Variants in ZDHHC11B observed in about 807,000 individuals in gnomAD.
The protein encoded by ZDHHC11B is probable palmitoyltransferase ZDHHC11B.
Under a neutral mutation model 42.3 loss-of-function variants are expected in ZDHHC11B, and 17 were observed. That is an observed-to-expected ratio of 0.40 (90% confidence interval 0.27 to 0.60). ZDHHC11B has a LOEUF of 0.60. Ranked by LOEUF, ZDHHC11B falls within the 20% of genes least tolerant of loss-of-function variation. The pLI is 0.41. For synonymous variants in ZDHHC11B, 123 were observed against 193.5 expected, an observed-to-expected ratio of 0.64 and a Z score of 3.02; for missense variants, 262 against 463.2, an observed-to-expected ratio of 0.57 and a Z score of 3.99.
chr5:734,264 C>A (rs73730931), intron 10 of ZDHHC11B, among the ~76,000 whole-genome samples: 2 of 118,486 alleles, frequency 1.7e-5, no homozygotes, highest in African/African-American at 7.5e-5. Flanking sequence ...CCAGAAAAAA[C>A]AAAAAGTCAC....
At chr5:719,651 G>T (rs1042575747) in intron 12 of ZDHHC11B, among the ~76,000 whole-genome samples, 4 of 150,838 alleles carry the variant, frequency 2.7e-5, no homozygotes, top group African/African-American at 9.8e-5. Context: ...GAATGAAAGA[G>T]GATAAACAGA....
In ZDHHC11B at chr5:712,035, G is replaced by A. The variant is rs573587383; in HGVS notation, c.*255C>T. 6.7e-4 allele frequency: 82 copies of A among 123,306 alleles called. 1 individual carries two copies. Among genetic ancestry groups the A allele is most frequent in the African/African-American group, 2.5e-3 (78 of 31,336 alleles). The allele number at this position is 123,306 out of a possible 1,614,324, so 7.6% of individuals were successfully genotyped here. A position where few individuals can be genotyped will look rare whatever the true frequency, so the allele number is the denominator to read the frequency against. On this transcript the variant is annotated 3_prime_UTR_variant, in exon 14 of 14. Transcript: ENST00000508859. The stretch of plus-strand genomic sequence containing the variant: ...GCTGGCAGCCCATCTTCCTGGAGAT[G>A]TAAACCCTCCTGCAAGGCTGGCTCT...
Position 745,397 on chromosome 5 carries a change from G to A in ZDHHC11B, c.785-99C>T, listed in dbSNP as rs939775725. The A allele has an allele frequency of 4.2e-5, 44 of 1,051,126 alleles. 1 individual carries two copies. Among genetic ancestry groups the A allele is most frequent in the African/African-American group, 9.0e-5 (6 of 66,374 alleles). The allele number at this position is 1,051,126 out of a possible 1,614,324, so 65.1% of individuals were successfully genotyped here. A position where few individuals can be genotyped will look rare whatever the true frequency, so the allele number is the denominator to read the frequency against. On this transcript the variant is annotated intron_variant, in intron 8 of 13. Transcript: ENST00000508859. Reference sequence around the variant, plus strand: ...GCAGGGTGGCCAGTGCCACTGATCCGGCCCCTGCACAGGGAGAACTGCTCC... The same window carrying A: ...GCAGGGTGGCCAGTGCCACTGATCCAGCCCCTGCACAGGGAGAACTGCTCC...
chr5:732,062 G>C (rs1317212993), intron 11 of ZDHHC11B: 1 of 152,474 alleles, frequency 6.6e-6, no homozygotes, highest in African/African-American at 2.4e-5. Flanking sequence ...TGTCTTCTTT[G>C]GACAATGCTG....
At chr5:774,399 C>G (rs2150238330) in intron 1 of ZDHHC11B, among the ~76,000 whole-genome samples, 1 of 152,328 alleles carries the variant, frequency 6.6e-6, no homozygotes, top group African/African-American at 2.4e-5. Context: ...CGGGCTCTGT[C>G]ACTAGGAACA....
chr5:777,149 A>C (rs1736574732), intron 1 of ZDHHC11B, among the ~76,000 whole-genome samples: 1 of 151,726 alleles, frequency 6.6e-6, no homozygotes, highest in Admixed American at 6.6e-5. Flanking sequence ...TCAGATGTTC[A>C]GATGCGTCTG....
At chr5:778,298 G>A (rs1243775561) in intron 1 of ZDHHC11B, among the ~76,000 whole-genome samples, 4 of 151,644 alleles carry the variant, frequency 2.6e-5, no homozygotes, top group African/African-American at 4.8e-5. Flanking sequence ...TCGGAGACTC[G>A]GCGGCTGCAG....
At chr5:714,267 G>T (rs1434493394) in intron 13 of ZDHHC11B, among the ~76,000 whole-genome samples, 3 of 137,524 alleles carry the variant, frequency 2.2e-5, no homozygotes, top group Non-Finnish European at 4.6e-5. Context: ...TGTATTCCAC[G>T]ATCTTTAAAA....
chr5:742,490 C>CTT (rs1744275448), intron 9 of ZDHHC11B, among the ~76,000 whole-genome samples: 2 of 92,958 alleles, frequency 2.2e-5, no homozygotes, highest in African/African-American at 7.4e-5. Context: ...TTCACAGAAA[C>CTT]TGTTTTTTCA....
intron 1 of ZDHHC11B, among the ~76,000 whole-genome samples, chr5:777,012 T>G (rs1369138429): frequency 6.6e-6 from 1 of 151,878 alleles, no homozygotes; most frequent in Non-Finnish European, 1.5e-5. Flanking sequence ...CCTTTCCCCC[T>G]GCAGCACAGG....
At chr5:724,371 A>ATTTTTTTTT (rs386402805) in intron 12 of ZDHHC11B, among the ~76,000 whole-genome samples, 8 of 81,418 alleles carry the variant, frequency 9.8e-5, no homozygotes, top group Non-Finnish European at 1.6e-4. Context: ...AACCCAGCTA[A>ATTTTTTTTT]TTTTTTTTTT....
At chr5:744,107 T>G (rs1230022260) in intron 9 of ZDHHC11B, among the ~76,000 whole-genome samples, 2 of 149,988 alleles carry the variant, frequency 1.3e-5, no homozygotes, top group African/African-American at 4.9e-5. Flanking sequence ...CGTTCTCTAT[T>G]GGACTAAGGT....
intron 4 of ZDHHC11B, among the ~76,000 whole-genome samples, chr5:760,398 G>C (rs1446152791): frequency 2.6e-5 from 4 of 151,686 alleles, no homozygotes; most frequent in Non-Finnish European, 5.9e-5. Flanking sequence ...GAGAAAAGAC[G>C]GTGTGAACAC....
At chr5:738,138 T>C (rs1387902475) in intron 10 of ZDHHC11B, among the ~76,000 whole-genome samples, 2 of 25,436 alleles carry the variant, frequency 7.9e-5, no homozygotes, top group Non-Finnish European at 1.7e-4. Context: ...ATCAGTAGCA[T>C]TGCTATGTGC....
chr5:778,550 C>T (rs1293418965), intron 1 of ZDHHC11B, among the ~76,000 whole-genome samples: 1 of 151,730 alleles, frequency 6.6e-6, no homozygotes, highest in Non-Finnish European at 1.5e-5. Flanking sequence ...CCCTGCCCTG[C>T]CCCGCCCCAG....
chr5:757,300 C>T (rs1339600538), intron 4 of ZDHHC11B, among the ~76,000 whole-genome samples: 2 of 151,906 alleles, frequency 1.3e-5, no homozygotes, highest in Non-Finnish European at 2.9e-5. Context: ...GCGCTGTCCT[C>T]CTTGGCCCCA....
intron 7 of ZDHHC11B, among the ~76,000 whole-genome samples, chr5:749,355 A>G (rs28375157): frequency 0.72 from 92,925 of 129,314 alleles, 38,426 homozygotes; most frequent in African/African-American, 0.86. Context: ...GCAGAGGGCC[A>G]GGCAAGGCAG....
intron 1 of ZDHHC11B, among the ~76,000 whole-genome samples, chr5:775,624 T>G (rs866900425): frequency 5.9e-5 from 9 of 151,482 alleles, no homozygotes; most frequent in Admixed American, 6.6e-5. Context: ...GAACTCCCTG[T>G]TCAGGGATGA....
intron 13 of ZDHHC11B, among the ~76,000 whole-genome samples, chr5:715,672 C>G (rs1384775077): frequency 2.6e-5 from 4 of 151,704 alleles, no homozygotes; most frequent in African/African-American, 9.7e-5. Context: ...ATCTCAAACG[C>G]CTTTTTTCTA....
Sources: allele counts gnomAD v4.1 joint callset (sites outside exome capture counted in the v4.1 genomes callset), GRCh38; gene constraint gnomAD v4.1.1; transcripts MANE v1.5; gene names NCBI Gene and HGNC (gene_info 2026-07-23, HGNC 2026-07-21).